EXOC6: variants seen among roughly 807,000 people sequenced by gnomAD.
The protein encoded by EXOC6 is SEC15-like 1.
In EXOC6, 60 loss-of-function variants were observed where a neutral mutation model predicts 112.5. The observed-to-expected ratio is 0.53, with a 90% CI of 0.43 to 0.66. The LOEUF (loss-of-function observed/expected upper bound fraction) is 0.66, where lower values mean the gene tolerates loss of function less well. Among genes scored for constraint, EXOC6 ranks in the 30% least tolerant of loss-of-function variants. EXOC6 has a pLI of 0.00. For synonymous variants in EXOC6, 295 were observed against 308.0 expected (o/e 0.96, Z 0.44); for missense variants, 855 against 957.1 (o/e 0.89, Z 1.41).
chr10:93,024,963 T>C (rs1001100598), intron 20 of EXOC6, among the ~76,000 whole-genome samples: 1 of 152,050 alleles, frequency 6.6e-6, no homozygotes, highest in African/African-American at 2.4e-5. Flanking sequence ...AAATAATAAT[T>C]TGAGTTAAGA....
At chr10:92,892,743 T>A (rs1372394777) in intron 1 of EXOC6, among the ~76,000 whole-genome samples, 1 of 152,188 alleles carries the variant, frequency 6.6e-6, no homozygotes, top group Admixed American at 6.5e-5. Context: ...TAGGAATGAA[T>A]ATGCCATGTT....
chr10:92,988,657 T>C (rs764231826), intron 18 of EXOC6, among the ~76,000 whole-genome samples: 2 of 152,146 alleles, frequency 1.3e-5, no homozygotes, highest in Non-Finnish European at 2.9e-5. Flanking sequence ...TATCTCAGCC[T>C]CTTTCCACAT....
intron 20 of EXOC6, among the ~76,000 whole-genome samples, chr10:93,053,479 T>C (rs1846400283): frequency 6.6e-6 from 1 of 152,232 alleles, no homozygotes; most frequent in African/African-American, 2.4e-5. Context: ...GGAAGATCAT[T>C]TGACTTACTT....
At chr10:92,929,882 A>T (rs1368080292) in intron 9 of EXOC6, among the ~76,000 whole-genome samples, 1 of 152,198 alleles carries the variant, frequency 6.6e-6, no homozygotes, top group Non-Finnish European at 1.5e-5. Flanking sequence ...CAGAAAGAGG[A>T]TAGAGCAAAT....
At chr10:92,976,631 C>T (rs1255432478) in intron 18 of EXOC6, among the ~76,000 whole-genome samples, 2 of 149,286 alleles carry the variant, frequency 1.3e-5, no homozygotes, top group African/African-American at 5.0e-5. Flanking sequence ...CCATCCCCCT[C>T]TGCGAGAAAC....
intron 4 of EXOC6, among the ~76,000 whole-genome samples, chr10:92,896,061 A>ATG (rs1849743856): frequency 2.5e-5 from 1 of 40,194 alleles, no homozygotes; most frequent in Non-Finnish European, 3.9e-5. Flanking sequence ...ATATATGTGT[A>ATG]TATATATGTG....
chr10:93,034,497 C>G (rs1354211793), intron 20 of EXOC6, among the ~76,000 whole-genome samples: 1 of 152,144 alleles, frequency 6.6e-6, no homozygotes, highest in Non-Finnish European at 1.5e-5. Flanking sequence ...ATAGGAAAAC[C>G]CTGATAAACA....
At chr10:92,927,697 A>G (rs1851801613) in intron 8 of EXOC6, among the ~76,000 whole-genome samples, 1 of 152,186 alleles carries the variant, frequency 6.6e-6, no homozygotes, top group Non-Finnish European at 1.5e-5. Context: ...AAATTATAGC[A>G]TGGTATAAGT....
At chr10:92,957,295 G>C (rs1853746675) in intron 17 of EXOC6, among the ~76,000 whole-genome samples, 1 of 152,044 alleles carries the variant, frequency 6.6e-6, no homozygotes, top group African/African-American at 2.4e-5. Flanking sequence ...TGCTTACCCA[G>C]TACCCTCTGA....
Position 93,043,225 on chromosome 10 carries a change from G to A in EXOC6, c.2170-13699G>A, listed in dbSNP as rs148146350. Among the ~76,000 whole-genome samples the A allele has an allele frequency of 2.3e-3, 348 of 152,186 alleles. 4 individuals carry two copies. The highest frequency in any genetic ancestry group is 7.9e-3 in the African/African-American group (327 of 41,534). On this transcript the variant is annotated intron_variant, in intron 20 of 21. Coordinates refer to ENST00000260762, the MANE Select transcript of EXOC6 (RefSeq NM_019053.6). Reference sequence around the variant, plus strand: ...GCTGGGATTACGGGCCTGAGCCACCGCGCCCAGCTACAATTATTCTTTTAA... The same window carrying A: ...GCTGGGATTACGGGCCTGAGCCACCACGCCCAGCTACAATTATTCTTTTAA...
chr10:92,910,030 AT>A (rs1347277044), intron 6 of EXOC6, among the ~76,000 whole-genome samples: 1 of 152,250 alleles, frequency 6.6e-6, no homozygotes, highest in African/African-American at 2.4e-5. Flanking sequence ...TTAACTGTGA[AT>A]TAAAAACTAC....
chr10:92,968,347 G>C (rs780241972), intron 17 of EXOC6, among the ~76,000 whole-genome samples: 5 of 152,048 alleles, frequency 3.3e-5, no homozygotes, highest in Non-Finnish European at 7.4e-5. Context: ...ACCATGACCA[G>C]CTAAACTTTT....
chr10:92,976,727 G>GA, intron 18 of EXOC6, among the ~76,000 whole-genome samples: 1 of 146,678 alleles, frequency 6.8e-6, no homozygotes, highest in Non-Finnish European at 1.5e-5. Flanking sequence ...AAAGGACCAA[G>GA]AAATTACTGG....
intron 13 of EXOC6, among the ~76,000 whole-genome samples, chr10:92,946,262 C>G (rs1852994468): frequency 6.6e-6 from 1 of 152,132 alleles, no homozygotes; most frequent in African/African-American, 2.4e-5. Flanking sequence ...CGCCACTGCA[C>G]TCCAGCCTGG....
At position 92,874,121 on chromosome 10, in the gene EXOC6, T is replaced by C. The variant is rs565046190; in HGVS notation, c.102-19228T>C. The stretch of plus-strand genomic sequence containing the variant: ...ATTCTATGTATATACATTTTTTTCC[T>C]CTTTAGTTGCTAGAAACTCTCAGTT... On this transcript the variant is annotated intron_variant, in intron 1 of 21. Coordinates refer to ENST00000260762, the MANE Select transcript of EXOC6 (RefSeq NM_019053.6). Among the ~76,000 whole-genome samples the C allele has an allele frequency of 1.8e-4, 27 of 152,124 alleles. No homozygotes were observed. In the East Asian group the frequency reaches 5.0e-3, roughly 28 times the overall value.
At chr10:92,971,051 AT>A (rs1053465648) in intron 17 of EXOC6, among the ~76,000 whole-genome samples, 6 of 151,510 alleles carry the variant, frequency 4.0e-5, no homozygotes, top group Admixed American at 3.3e-4. Context: ...TTCTTTAGTG[AT>A]TTTTTTTCTT....
At chr10:92,981,175 A>G (rs949454090) in intron 18 of EXOC6, among the ~76,000 whole-genome samples, 2 of 152,252 alleles carry the variant, frequency 1.3e-5, no homozygotes, top group Non-Finnish European at 2.9e-5. Context: ...CAGAAAACTT[A>G]AACCAGAAGA....
chr10:92,851,582 G>A (rs1172715292), intron 1 of EXOC6, among the ~76,000 whole-genome samples: 5 of 152,062 alleles, frequency 3.3e-5, no homozygotes, highest in East Asian at 1.9e-4. Context: ...TCCGGGAGGC[G>A]GAGGTTGCAG....
At chr10:92,893,200 A>G in intron 1 of EXOC6, 149 bp from the exon 2 acceptor site, 1 of 546,934 alleles carries the variant, frequency 1.8e-6, no homozygotes, top group Non-Finnish European at 3.2e-6. Flanking sequence ...AAGAAATAAA[A>G]TACTTTCACG....
Sources: allele counts gnomAD v4.1 joint callset (sites outside exome capture counted in the v4.1 genomes callset), GRCh38; gene constraint gnomAD v4.1.1; transcripts MANE v1.5; gene names NCBI Gene and HGNC (gene_info 2026-07-23, HGNC 2026-07-21).